Variants in RGS6 observed in about 807,000 individuals in gnomAD.
RGS6 encodes the protein regulator of G-protein signaling 6.
A neutral mutation model predicts 78.5 loss-of-function variants in RGS6; 30 were observed. The observed-to-expected ratio is 0.38, with a 90% CI of 0.29 to 0.52. RGS6 has a LOEUF of 0.52. Ranked by LOEUF, RGS6 falls within the 20% of genes least tolerant of loss-of-function variation. The pLI is 0.85. For missense variants in RGS6, 495 were observed against 609.7 expected (o/e 0.81, Z 1.98); for synonymous variants, 206 against 206.0 (o/e 1.00, Z 0.00).
At chr14:72,496,108 G>A (rs1461590194) in intron 13 of RGS6, among the ~76,000 whole-genome samples, 1 of 152,204 alleles carries the variant, frequency 6.6e-6, no homozygotes, top group Non-Finnish European at 1.5e-5. Flanking sequence ...AAAAGTCGCA[G>A]ATGCTCATTC....
At chr14:72,435,789 C>A (rs931949941) in intron 3 of RGS6, among the ~76,000 whole-genome samples, 1 of 145,234 alleles carries the variant, frequency 6.9e-6, no homozygotes. Flanking sequence ...ATCACATCTC[C>A]TCTCTCTGAT....
At chr14:72,498,333 C>T (rs542661054) in intron 13 of RGS6, among the ~76,000 whole-genome samples, 2 of 152,284 alleles carry the variant, frequency 1.3e-5, no homozygotes, top group East Asian at 1.9e-4. Flanking sequence ...CATTTCTGCT[C>T]ATTGTTTCAT....
At chr14:72,623,433 A>C in the RGS6 span, among the ~76,000 whole-genome samples, 1 of 152,216 alleles carries the variant, frequency 6.6e-6, no homozygotes, top group Non-Finnish European at 1.5e-5. Flanking sequence ...TTGACAATAC[A>C]TCCTTAGTAG....
intron 2 of RGS6, among the ~76,000 whole-genome samples, chr14:72,200,306 C>T (rs1196573695): frequency 6.6e-6 from 1 of 152,180 alleles, no homozygotes. Flanking sequence ...CTTGTGTTTC[C>T]ACCCGTCCGC....
intron 3 of RGS6, among the ~76,000 whole-genome samples, chr14:72,365,004 C>T (rs564590703): frequency 1.3e-5 from 2 of 152,306 alleles, no homozygotes; most frequent in East Asian, 1.9e-4. Flanking sequence ...TGTCAAGTTA[C>T]CACATTGAGT....
At chr14:72,069,831 C>T (rs1010428312) in intron 2 of RGS6, among the ~76,000 whole-genome samples, 12 of 152,192 alleles carry the variant, frequency 7.9e-5, no homozygotes, top group Admixed American at 2.0e-4. Context: ...TGGGCCACTG[C>T]GCCCAGCCAA....
At chr14:72,415,259 C>T (rs1301269557) in intron 3 of RGS6, among the ~76,000 whole-genome samples, 1 of 152,272 alleles carries the variant, frequency 6.6e-6, no homozygotes, top group Non-Finnish European at 1.5e-5. Context: ...CTCCTCCAGC[C>T]TCACTGCCGC....
intron 2 of RGS6, among the ~76,000 whole-genome samples, chr14:72,139,448 G>A (rs1037282238): frequency 4.6e-5 from 7 of 152,148 alleles, no homozygotes; most frequent in Non-Finnish European, 1.0e-4. Flanking sequence ...CTGCTCAGGC[G>A]GCTTGGAGAC....
chr14:72,153,933 G>A (rs749125754), intron 2 of RGS6, among the ~76,000 whole-genome samples: 1 of 152,120 alleles, frequency 6.6e-6, no homozygotes, highest in African/African-American at 2.4e-5. Flanking sequence ...AAATTTACCA[G>A]GGTGGAGTTT....
chr14:72,291,029 A>G (rs1022624552), intron 2 of RGS6, among the ~76,000 whole-genome samples: 2 of 150,444 alleles, frequency 1.3e-5, no homozygotes, highest in Non-Finnish European at 3.0e-5. Flanking sequence ...TCAACTCTAC[A>G]CTCTTTTCCC....
At chr14:71,887,733 A>G in the RGS6 span, among the ~76,000 whole-genome samples, 1 of 152,144 alleles carries the variant, frequency 6.6e-6, no homozygotes, top group Admixed American at 6.5e-5. Flanking sequence ...CAATGTGTGC[A>G]CTGCTGAACA....
chr14:72,114,349 G>A (rs1405000981), intron 2 of RGS6, among the ~76,000 whole-genome samples: 1 of 152,108 alleles, frequency 6.6e-6, no homozygotes, highest in African/African-American at 2.4e-5. Flanking sequence ...TGTTGCCCTG[G>A]TGTCACTGCA....
chr14:72,209,921 T>G (rs2043651844), intron 2 of RGS6, among the ~76,000 whole-genome samples: 1 of 152,218 alleles, frequency 6.6e-6, no homozygotes, highest in Admixed American at 6.5e-5. Context: ...TTAAATATGG[T>G]TATTAATCAT....
intron 16 of RGS6, 50 bp from the exon 17 acceptor site, chr14:72,539,990 GA>G (rs2097300401): frequency 4.1e-6 from 6 of 1,455,478 alleles, no homozygotes; most frequent in South Asian, 1.3e-5. Context: ...ATAAGCTGAA[GA>G]TTTTTTTTTT....
At chr14:72,536,383 C>T in intron 16 of RGS6, 108 bp downstream of exon 16, 1 of 819,838 alleles carries the variant, frequency 1.2e-6, no homozygotes, top group Non-Finnish European at 2.1e-6. Context: ...TTATTTCCTA[C>T]TTTCTTCTTT....
chr14:72,539,632 G>A (rs935831482), intron 16 of RGS6, among the ~76,000 whole-genome samples: 2 of 152,132 alleles, frequency 1.3e-5, no homozygotes, highest in African/African-American at 2.4e-5. Context: ...GACTTGGGGG[G>A]CCCCCAGGGC....
At chr14:71,995,895 G>A (rs557844153) in intron 2 of RGS6, among the ~76,000 whole-genome samples, 2 of 152,190 alleles carry the variant, frequency 1.3e-5, no homozygotes, top group Admixed American at 1.3e-4. Flanking sequence ...CAAAGCTCCC[G>A]GGATCTCACT....
intron 3 of RGS6, among the ~76,000 whole-genome samples, chr14:72,390,394 G>A (rs183959469): frequency 6.3e-4 from 96 of 152,088 alleles, no homozygotes; most frequent in Middle Eastern, 6.8e-3. Context: ...CACTGCACCC[G>A]GCCGGGAGCC....
chr14:72,183,284 C>G (rs1170596424), intron 2 of RGS6, among the ~76,000 whole-genome samples: 1 of 152,178 alleles, frequency 6.6e-6, no homozygotes, highest in Non-Finnish European at 1.5e-5. Flanking sequence ...TCAAACCTGG[C>G]TGAATTGCTT....
Sources: allele counts gnomAD v4.1 joint callset (sites outside exome capture counted in the v4.1 genomes callset), GRCh38; gene constraint gnomAD v4.1.1; transcripts MANE v1.5; gene names NCBI Gene and HGNC (gene_info 2026-07-23, HGNC 2026-07-21).